The following ST3GAL3 variants were observed in gnomAD, a reference collection of about 807,000 sequenced individuals.
ST3GAL3 encodes the protein ST3 beta-galactoside alpha-2,3-sialyltransferase 3.
Under a neutral mutation model 50.1 loss-of-function variants are expected in ST3GAL3, and 21 were observed. That is an observed-to-expected ratio of 0.42 (90% CI 0.30 to 0.60). The LOEUF (loss-of-function observed/expected upper bound fraction) is 0.60. ST3GAL3 is among the 20% of genes least tolerant of loss of function. The pLI is 0.19. For synonymous variants in ST3GAL3, 183 were observed against 190.0 expected, an observed-to-expected ratio of 0.96 and a Z score of 0.30; for missense variants, 353 against 489.4, an observed-to-expected ratio of 0.72 and a Z score of 2.63.
intron 2 of ST3GAL3, among the ~76,000 whole-genome samples, chr1:43,783,727 C>T (rs1217069146): frequency 6.6e-6 from 1 of 151,870 alleles, no homozygotes; most frequent in African/African-American, 2.4e-5. Context: ...GCAGTGCCAC[C>T]CTTACACTGC....
chr1:43,920,725 C>G, intron 10 of ST3GAL3, 57 bp from the exon 11 acceptor site: 2 of 1,612,678 alleles, frequency 1.2e-6, no homozygotes, highest in Non-Finnish European at 1.7e-6. Context: ...TCTCAGCTGT[C>G]CCAGCCCTCC....
intron 4 of ST3GAL3, among the ~76,000 whole-genome samples, chr1:43,825,591 AAG>A (rs2062687457): frequency 6.6e-6 from 1 of 152,210 alleles, no homozygotes; most frequent in Non-Finnish European, 1.5e-5. Context: ...GGAACTTGAG[AAG>A]TCTGGAGGAA....
At position 43,920,339 on chromosome 1, in the gene ST3GAL3, G is replaced by A. The variant is rs933701757; in HGVS notation, c.745-65G>A. 7.5e-6 allele frequency: 12 copies of A among 1,610,186 alleles called. No individual in the cohort carries two copies. In the African/African-American group the frequency reaches 1.2e-4, roughly 16 times the overall value. On this transcript the variant is annotated intron_variant, in intron 9 of 11. Coordinates refer to ENST00000347631, the MANE Select transcript of ST3GAL3 (RefSeq NM_006279.5). ...CTCACTGTCCCTACTTGGGGTCCCT[G>A]CCACTCCCCTAGGCTCATCCCTTGC... is the stretch of plus-strand genomic sequence containing the variant.
intron 3 of ST3GAL3, among the ~76,000 whole-genome samples, chr1:43,793,344 A>G (rs1221570903): frequency 6.6e-6 from 1 of 152,206 alleles, no homozygotes; most frequent in East Asian, 1.9e-4. Context: ...GGTATCCATT[A>G]TCTGAAGCAT....
chr1:43,769,224 C>A (rs1694194338), intron 2 of ST3GAL3, among the ~76,000 whole-genome samples: 1 of 152,168 alleles, frequency 6.6e-6, no homozygotes, highest in South Asian at 2.1e-4. Context: ...GATGCTGGAA[C>A]TGCTTAGCAG....
chr1:43,907,359 G>A lies in ST3GAL3; in HGVS notation c.744+7632G>A, dbSNP rs1034901879. The stretch of plus-strand genomic sequence containing the variant: ...CAGATCCAGCCAGTCCAGTACCAGG[G>A]ACTGAATGTCACCCATGGGAGAGAA... On this transcript the variant is annotated intron_variant, in intron 9 of 11. Coordinates refer to ENST00000347631, the MANE Select transcript of ST3GAL3 (RefSeq NM_006279.5). 2.0e-5 allele frequency among the ~76,000 whole-genome samples: 3 copies of A among 152,120 alleles called. No individual in the cohort carries two copies. The East Asian group carries it at 5.8e-4, about 29-fold the overall frequency.
Position 43,792,110 on chromosome 1 carries a change from G to C in ST3GAL3, c.127G>C (p.Val43Leu), listed in dbSNP as rs2058155134. The C allele has an allele frequency of 6.2e-7, 1 of 1,614,098 alleles. No homozygotes were observed. The highest frequency in any genetic ancestry group is 1.3e-5 in the African/African-American group (1 of 74,936). ...LQWEEDSNSV[V>L]LSFDSAGQTL... ...GTCCTCTTGTGTTGCAGATTCAGTG[G>C]TTCTTTCCTTTGACTCCGCTGGACA... Residue 43 changes from valine to leucine, a missense_variant, in exon 3 of 12, where the codon GTT (valine) becomes CTT (leucine). By Grantham distance (32) the Val-to-Leu change is conservative (BLOSUM62 1). Transcript: ENST00000347631.
At chr1:43,916,110 T>C (rs1273515757) in intron 9 of ST3GAL3, among the ~76,000 whole-genome samples, 1 of 152,164 alleles carries the variant, frequency 6.6e-6, no homozygotes, top group Non-Finnish European at 1.5e-5. Flanking sequence ...GTTTGGGAGA[T>C]ACAGGCAGCC....
intron 1 of ST3GAL3, among the ~76,000 whole-genome samples, chr1:43,710,007 C>G (rs1018878555): frequency 5.3e-5 from 8 of 152,178 alleles, no homozygotes; most frequent in Non-Finnish European, 8.8e-5. Context: ...TTTATTCTTA[C>G]TTTTCTTCTT....
intron 5 of ST3GAL3, among the ~76,000 whole-genome samples, chr1:43,844,484 A>G (rs777965320): frequency 6.6e-6 from 1 of 152,176 alleles, no homozygotes. Flanking sequence ...AGGTCTTAAG[A>G]GCTCTGGGTC....
At chr1:43,864,214 G>T (rs1160413206) in intron 5 of ST3GAL3, among the ~76,000 whole-genome samples, 3 of 152,234 alleles carry the variant, frequency 2.0e-5, no homozygotes, top group African/African-American at 7.2e-5. Context: ...GGAGACGGAG[G>T]TTGCAGTGAG....
At chr1:43,914,618 T>C (rs1036146563) in intron 9 of ST3GAL3, 1 of 152,196 alleles carries the variant, frequency 6.6e-6, no homozygotes, top group Non-Finnish European at 1.5e-5. Flanking sequence ...GTTAAAGAGA[T>C]AATAAAGTAA....
At position 43,763,784 on chromosome 1, in the gene ST3GAL3, GGA is replaced by G. The variant is rs71728034; in HGVS notation, c.118+27410_118+27411del. Among the ~76,000 whole-genome samples, 735 of 152,290 alleles carry G rather than the reference GGA, an allele frequency of 4.8e-3. 12 individuals carry two copies. The highest frequency in any genetic ancestry group is 0.017 in the African/African-American group (699 of 41,560). Reference sequence around the variant, plus strand: ...CAGAGGAGGCAATGGAGGGGTGAGAGGAGAGAGTGTGTGTTTTGGAATCCTCT... The same window carrying G: ...CAGAGGAGGCAATGGAGGGGTGAGAGGAGAGTGTGTGTTTTGGAATCCTCT... On this transcript the variant is annotated intron_variant, in intron 2 of 11. Transcript: ENST00000347631.
intron 4 of ST3GAL3, among the ~76,000 whole-genome samples, chr1:43,816,770 G>C (rs1359543869): frequency 6.6e-6 from 1 of 152,228 alleles, no homozygotes; most frequent in Non-Finnish European, 1.5e-5. Context: ...AACTATGTGA[G>C]TTAACTTGGT....
chr1:43,834,776 A>G (rs1282165705), intron 4 of ST3GAL3, among the ~76,000 whole-genome samples: 1 of 152,060 alleles, frequency 6.6e-6, no homozygotes, highest in Non-Finnish European at 1.5e-5. Context: ...TCCCCTCCAA[A>G]TGTGCTCCCT....
chr1:43,795,383 C>G (rs901154866), intron 3 of ST3GAL3, among the ~76,000 whole-genome samples: 18 of 152,152 alleles, frequency 1.2e-4, no homozygotes, highest in African/African-American at 3.9e-4. Context: ...TTCAGTTTAC[C>G]TAGCCTTCAG....
chr1:43,778,571 AAT>A (rs2154139518), intron 2 of ST3GAL3, among the ~76,000 whole-genome samples: 1 of 152,314 alleles, frequency 6.6e-6, no homozygotes, highest in South Asian at 2.1e-4. Flanking sequence ...ATTACAAAAT[AAT>A]ATGAGTATTT....
chr1:43,879,463 G>A (rs2074721328), intron 5 of ST3GAL3: 2 of 455,448 alleles, frequency 4.4e-6, no homozygotes, highest in Admixed American at 4.7e-5. Context: ...CATCATAGTG[G>A]TCCAGAAATG....
rs190713878 is a variant in ST3GAL3, at chr1:43,781,035, G to A, written c.119-11067G>A. Among the ~76,000 whole-genome samples the A allele has an allele frequency of 2.6e-5, 4 of 152,298 alleles. No individual in the cohort carries two copies. In the East Asian group the frequency reaches 7.7e-4, roughly 29 times the overall value. ...CTGCCAGTGATTGAGTCTTTGGGGA[G>A]TTCTGTGATGTATTTCACGTTCAGT... On this transcript the variant is annotated intron_variant, in intron 2 of 11. Transcript: ENST00000347631.
Sources: gnomAD v4.1 joint callset for allele counts (sites outside exome capture counted in the v4.1 genomes callset) on GRCh38, gnomAD v4.1.1 for gene constraint, MANE v1.5 for transcripts, NCBI Gene and HGNC (gene_info 2026-07-23, HGNC 2026-07-21) for gene names.